Variants in HUWE1 observed in about 807,000 individuals in gnomAD.
HUWE1 encodes the protein E3 ubiquitin-protein ligase HUWE1.
A neutral mutation model predicts 299.4 loss-of-function variants in HUWE1; 18 were observed. The observed-to-expected ratio is 0.06, with a 90% CI of 0.04 to 0.09. The LOEUF (loss-of-function observed/expected upper bound fraction) is 0.09. HUWE1 is among the 10% of genes least tolerant of loss of function. The pLI, the probability that HUWE1 is intolerant of heterozygous loss-of-function variation, is 1.00. For synonymous variants in HUWE1, 1,317 were observed against 1,286.1 expected (o/e 1.02, Z -0.51); for missense variants, 1,832 against 3,462.3 (o/e 0.53, Z 11.82).
rs45513301 is a variant in HUWE1 at position 53,538,140 on chromosome X, G to A, written c.11996+197C>T. On this transcript the variant is annotated intron_variant, in intron 77 of 83. Coordinates refer to ENST00000262854, the MANE Select transcript of HUWE1 (RefSeq NM_031407.7). ...TGACTCTGTTTTGCTGATGAAAAAT[G>A]CAGATGGGGTGGAGAAGCCCAGGAG... Among the ~76,000 whole-genome samples, 5,827 of 111,135 alleles carry A rather than the reference G, an allele frequency of 0.052. 186 individuals carry two copies. The highest frequency in any genetic ancestry group is 0.082 in the Non-Finnish European group (4,323 of 52,921).
At chrX:53,538,476 G>C in intron 76 of HUWE1, 22 bp from the exon 77 acceptor site, 9 of 1,048,725 alleles carry the variant, frequency 8.6e-6, no homozygotes, top group African/African-American at 1.8e-5. Context: ...AGTGACAGCA[G>C]GAATTAAGCA....
At chrX:53,681,228 G>A (rs1160252909) in intron 2 of HUWE1, among the ~76,000 whole-genome samples, 1 of 110,435 alleles carries the variant, frequency 9.1e-6, no homozygotes, top group African/African-American at 3.3e-5. Flanking sequence ...GAGGTCAGGA[G>A]ATCGAGACCA....
Position 53,583,841 on chromosome X carries a change from A to C in HUWE1, c.5237T>G (p.Leu1746Arg), listed in dbSNP as rs1331623552. 8.3e-7 allele frequency: 1 copy of C among 1,207,278 alleles called. No individual in the cohort carries two copies. The highest frequency in any genetic ancestry group is 1.1e-6 in the Non-Finnish European group (1 of 893,957). ...CATATCTTCTGTCAAGCCCTGGATC[A>C]GGATCTCCCCGATTTTTGTTTCCTC... ...SLEETKIGEI[L>R]IQGLTEDMVT... The change falls in exon 42 of 84, where the codon CTG becomes CGG. Residue 1746 changes from leucine (L) to arginine (R), a missense_variant. By Grantham distance (102) the Leu-to-Arg change is moderately radical. Coordinates refer to ENST00000262854, the MANE Select transcript of HUWE1 (RefSeq NM_031407.7).
intron 39 of HUWE1, among the ~76,000 whole-genome samples, chrX:53,585,969 G>A (rs1178926305): frequency 8.0e-5 from 9 of 112,206 alleles, no homozygotes; most frequent in African/African-American, 2.9e-4. Flanking sequence ...GATTACAGAC[G>A]TGAGCCTACA....
At chrX:53,598,114 G>A (rs900897372) in intron 29 of HUWE1, among the ~76,000 whole-genome samples, 2 of 111,773 alleles carry the variant, frequency 1.8e-5, no homozygotes, top group Admixed American at 1.9e-4. Flanking sequence ...AACAGAAGAC[G>A]TCTTGATAGA....
At chrX:53,676,801 T>C (rs782726351) in intron 3 of HUWE1, among the ~76,000 whole-genome samples, 13 of 111,959 alleles carry the variant, frequency 1.2e-4, no homozygotes, top group Admixed American at 3.8e-4. Context: ...TGCATAGTTA[T>C]ATATACACTT....
chrX:53,671,791 CAAAAAA>C (rs60356592), intron 3 of HUWE1, among the ~76,000 whole-genome samples: 3 of 28,553 alleles, frequency 1.1e-4, no homozygotes, highest in African/African-American at 3.2e-4. Context: ...GACTCCGTCT[CAAAAAA>C]AAAAAAAAAA....
chrX:53,603,228 C>T, intron 27 of HUWE1, 140 bp downstream of exon 27: 2 of 563,027 alleles, frequency 3.6e-6, no homozygotes. Context: ...CATTTGTCAT[C>T]AAGTTCCTAG....
chrX:53,580,239 A>C (rs1556965816), intron 43 of HUWE1, among the ~76,000 whole-genome samples: 1 of 111,647 alleles, frequency 9.0e-6, no homozygotes, highest in Non-Finnish European at 1.9e-5. Flanking sequence ...ATAGCACTCA[A>C]ATTTCTCCAA....
At chrX:53,635,720 C>T (rs1182595708) in intron 7 of HUWE1, among the ~76,000 whole-genome samples, 3 of 111,637 alleles carry the variant, frequency 2.7e-5, no homozygotes, top group African/African-American at 9.8e-5. Flanking sequence ...CCAATCACCT[C>T]GGATCTGGGC....
In HUWE1 at chrX:53,583,901, A is replaced by G; in HGVS notation, c.5177T>C (p.Leu1726Pro). 1 of 1,190,949 alleles carries G rather than the reference A, an allele frequency of 8.4e-7. No individual in the cohort carries two copies. Among genetic ancestry groups the G allele is most frequent in the South Asian group, 1.8e-5 (1 of 56,300 alleles). ...ENKGNDTPLA[L>P]ESTNTEKETS... The stretch of plus-strand genomic sequence containing the variant: ...CTCCTTTTCAGTGTTTGTACTCTCT[A>G]GGGCCAAAGGGGTATCTATAAAATG... The change falls in exon 42 of 84, where the codon CTA (leucine) becomes CCA (proline). Residue 1726 changes from leucine (L) to proline (P), a missense_variant. Physicochemically the swap from Leu to Pro is moderately conservative, Grantham distance 98. Around this residue, in one of 15 missense-constraint regions of HUWE1, gnomAD observed 46 missense variants for 42.6 expected, o/e 1.08. Transcript: ENST00000262854.
At chrX:53,622,382 G>A (rs1557013132) in intron 19 of HUWE1, among the ~76,000 whole-genome samples, 1 of 111,738 alleles carries the variant, frequency 8.9e-6, no homozygotes, top group African/African-American at 3.3e-5. Flanking sequence ...TATGTACTAT[G>A]GACATTTAGT....
At chrX:53,590,897 G>A (rs2064123554) in intron 34 of HUWE1, 103 bp downstream of exon 34, 1 of 986,451 alleles carries the variant, frequency 1.0e-6, no homozygotes, top group Non-Finnish European at 1.4e-6. Context: ...AAAATGAGAA[G>A]CAGTTTATAG....
chrX:53,571,436 A>G (rs995724837), intron 47 of HUWE1, among the ~76,000 whole-genome samples: 4 of 111,016 alleles, frequency 3.6e-5, no homozygotes, highest in African/African-American at 1.3e-4. Context: ...ATATAGCAAG[A>G]CCTCAAAAAA....
intron 3 of HUWE1, 79 bp from the exon 4 acceptor site, chrX:53,654,210 C>T (rs781841106): frequency 1.6e-6 from 1 of 618,438 alleles, no homozygotes; most frequent in African/African-American, 2.2e-5. Context: ...ACAGACAATA[C>T]AGAATGAAGA....
chrX:53,652,253 C>T (rs1322040538), intron 4 of HUWE1, among the ~76,000 whole-genome samples: 6 of 111,526 alleles, frequency 5.4e-5, no homozygotes, highest in African/African-American at 1.6e-4. Context: ...AAGACCATGC[C>T]CACTTAAGAC....
chrX:53,594,059 T>C (rs1360401519), intron 31 of HUWE1, among the ~76,000 whole-genome samples: 2 of 110,342 alleles, frequency 1.8e-5, no homozygotes, highest in African/African-American at 6.6e-5. Context: ...TTTGCGCCAC[T>C]GCACTCCAGC....
intron 19 of HUWE1, among the ~76,000 whole-genome samples, chrX:53,624,097 A>G (rs2066321927): frequency 8.9e-6 from 1 of 112,159 alleles, no homozygotes; most frequent in Admixed American, 9.4e-5. Context: ...ACAGATATCT[A>G]CCCGGCCTCT....
At chrX:53,609,810 A>C (rs2065348198) in intron 23 of HUWE1, among the ~76,000 whole-genome samples, 2 of 112,129 alleles carry the variant, frequency 1.8e-5, no homozygotes, top group Admixed American at 1.9e-4. Context: ...TAGAGGAAGA[A>C]GACAAGAAAG....
Sources: gnomAD v4.1 joint callset for allele counts (sites outside exome capture counted in the v4.1 genomes callset) on GRCh38, gnomAD v4.1.1 for gene constraint, gnomAD v4.1.1 regional missense constraint, MANE v1.5 for transcripts, NCBI Gene and HGNC (gene_info 2026-07-23, HGNC 2026-07-21) for gene names.